RIMBP2: variants seen among roughly 807,000 people sequenced by gnomAD.
The protein encoded by RIMBP2 is RIMS-binding protein 2.
A neutral mutation model predicts 118.6 loss-of-function variants in RIMBP2; 48 were observed. That is an observed-to-expected ratio of 0.40 (90% CI 0.32 to 0.51). The LOEUF (loss-of-function observed/expected upper bound fraction) is 0.51, where lower values mean the gene tolerates loss of function less well. Ranked by LOEUF, RIMBP2 falls within the 20% of genes least tolerant of loss-of-function variation. RIMBP2 has a pLI of 0.41. For synonymous variants in RIMBP2, 762 were observed against 742.9 expected, an observed-to-expected ratio of 1.03 and a Z score of -0.42; for missense variants, 1,551 against 1,768.3, an observed-to-expected ratio of 0.88 and a Z score of 2.20.
chr12:130,604,557 A>G (rs2060058833), intron 2 of RIMBP2, among the ~76,000 whole-genome samples: 1 of 142,668 alleles, frequency 7.0e-6, no homozygotes, highest in South Asian at 2.4e-4. Flanking sequence ...ATTCATGGTA[A>G]GTGCCCTATA....
chr12:130,669,562 G>C (rs2064108408), intron 1 of RIMBP2, among the ~76,000 whole-genome samples: 1 of 152,090 alleles, frequency 6.6e-6, no homozygotes, highest in African/African-American at 2.4e-5. Flanking sequence ...TCTCTCTCCT[G>C]CCACCCTGTG....
chr12:130,701,310 G>A (rs1297714564), intron 1 of RIMBP2, among the ~76,000 whole-genome samples: 4 of 152,202 alleles, frequency 2.6e-5, no homozygotes, highest in Non-Finnish European at 5.9e-5. Flanking sequence ...GAAGGCCTTG[G>A]AGTGTTCTAT....
At chr12:130,610,665 A>G (rs1374046453) in intron 2 of RIMBP2, among the ~76,000 whole-genome samples, 1 of 138,958 alleles carries the variant, frequency 7.2e-6, no homozygotes, top group East Asian at 2.3e-4. Context: ...GGTTCACGCC[A>G]TTCTCCTGCC....
chr12:130,433,269 A>G (rs2077269201), intron 14 of RIMBP2, among the ~76,000 whole-genome samples: 1 of 152,192 alleles, frequency 6.6e-6, no homozygotes, highest in Non-Finnish European at 1.5e-5. Context: ...GAAAGAGCCA[A>G]TTCCACCTCA....
intron 2 of RIMBP2, among the ~76,000 whole-genome samples, chr12:130,614,327 C>G (rs2060765693): frequency 6.6e-6 from 1 of 152,214 alleles, no homozygotes; most frequent in African/African-American, 2.4e-5. Flanking sequence ...CCCAACCTCC[C>G]TTATCCTCAG....
intron 2 of RIMBP2, among the ~76,000 whole-genome samples, chr12:130,562,743 A>G (rs749700442): frequency 1.3e-5 from 2 of 152,210 alleles, no homozygotes; most frequent in African/African-American, 4.8e-5. Context: ...TGAAAAAACA[A>G]CAGCAGCTGG....
In RIMBP2 at chr12:130,689,632, G is replaced by A. The variant is rs1373322654; in HGVS notation, c.-352+26590C>T. Among the ~76,000 whole-genome samples the A allele has an allele frequency of 2.6e-5, 4 of 152,192 alleles. No homozygotes were observed. In the South Asian group the frequency reaches 8.3e-4, roughly 32 times the overall value. On this transcript the variant is annotated intron_variant, in intron 1 of 22. Coordinates refer to ENST00000690449, the MANE Select transcript of RIMBP2 (RefSeq NM_001393629.1). ...TGGAGGAGCTGCCTCTGATCCCAAGGCTTAGCTGGGGAGGGGGACGGGCCC... is the reference window on the plus strand; with the variant it reads ...TGGAGGAGCTGCCTCTGATCCCAAGACTTAGCTGGGGAGGGGGACGGGCCC...
intron 1 of RIMBP2, among the ~76,000 whole-genome samples, chr12:130,632,356 T>C (rs1027567265): frequency 6.6e-6 from 1 of 152,200 alleles, no homozygotes; most frequent in South Asian, 2.1e-4. Context: ...AAAAACGAGA[T>C]TACAGGAAGT....
At chr12:130,700,174 T>A (rs2065789868) in intron 1 of RIMBP2, among the ~76,000 whole-genome samples, 1 of 151,802 alleles carries the variant, frequency 6.6e-6, no homozygotes, top group Admixed American at 6.6e-5. Context: ...TTGGTGTGGT[T>A]TTTAGTTTAT....
At chr12:130,689,669 G>A (rs1040179711) in intron 1 of RIMBP2, among the ~76,000 whole-genome samples, 4 of 152,126 alleles carry the variant, frequency 2.6e-5, no homozygotes, top group African/African-American at 7.2e-5. Flanking sequence ...TCAACACTTC[G>A]AGACTGCACC....
At position 130,423,649 on chromosome 12, in the gene RIMBP2, C is replaced by T. The variant is rs955268996; in HGVS notation, c.3129+493G>A. Among the ~76,000 whole-genome samples the T allele has an allele frequency of 2.9e-3, 62 of 21,158 alleles. No individual in the cohort carries two copies. In the East Asian group the frequency reaches 0.044, roughly 15 times the overall value. The allele number at this position is 21,158 out of a possible 152,430, so 13.9% of individuals were successfully genotyped here. A position where few individuals can be genotyped will look rare whatever the true frequency, so the allele number is the denominator to read the frequency against. On this transcript the variant is annotated intron_variant, in intron 16 of 22. Coordinates refer to ENST00000690449, the MANE Select transcript of RIMBP2 (RefSeq NM_001393629.1). ...GGGAAAAAAACAAGAACTTTGGAAA[C>T]AATATGCAAAAAAAAAAAAAAAAAA...
chr12:130,710,070 G>A lies in RIMBP2; in HGVS notation c.-352+6152C>T, dbSNP rs563238511. Among the ~76,000 whole-genome samples the A allele has an allele frequency of 1.3e-5, 2 of 152,250 alleles. No individual in the cohort carries two copies. The highest frequency in any genetic ancestry group is 4.1e-4 in the South Asian group (2 of 4,826). ...CCCTGGGAGCTCACGGGTGGACACCGAGGGTCTCCAGGAGAGGGGTTGGCT... is the reference window on the plus strand; with the variant it reads ...CCCTGGGAGCTCACGGGTGGACACCAAGGGTCTCCAGGAGAGGGGTTGGCT... On this transcript the variant is annotated intron_variant, in intron 1 of 22. Coordinates refer to ENST00000690449, the MANE Select transcript of RIMBP2 (RefSeq NM_001393629.1). This position sits in a 1 kb window ranked among gnomAD's most constrained non-coding sequence, Gnocchi z 4.3.
chr12:130,573,822 G>T (rs1326254796), intron 2 of RIMBP2, among the ~76,000 whole-genome samples: 3 of 152,210 alleles, frequency 2.0e-5, no homozygotes, highest in African/African-American at 4.8e-5. Flanking sequence ...GCTGATCCAG[G>T]CCTGGAGCAT....
chr12:130,599,219 T>C (rs572534565), intron 2 of RIMBP2, among the ~76,000 whole-genome samples: 7 of 152,314 alleles, frequency 4.6e-5, no homozygotes, highest in Non-Finnish European at 1.0e-4. Context: ...ACAACTTTTT[T>C]TAGATCTGAC....
At position 130,396,748 on chromosome 12, in the gene RIMBP2, G is replaced by A. The variant is rs565369548; in HGVS notation, c.*613C>T. 6.6e-6 allele frequency: 1 copy of A among 152,626 alleles called. No homozygotes were observed. The highest frequency in any genetic ancestry group is 1.5e-5 in the Non-Finnish European group (1 of 68,036). The allele number at this position is 152,626 out of a possible 1,614,324, so 9.5% of individuals were successfully genotyped here. A position where few individuals can be genotyped will look rare whatever the true frequency, so the allele number is the denominator to read the frequency against. On this transcript the variant is annotated 3_prime_UTR_variant, in exon 23 of 23. Coordinates refer to ENST00000690449, the MANE Select transcript of RIMBP2 (RefSeq NM_001393629.1). ...GAATGATTGAGTAAACATTTTCTGT[G>A]TGTAGCCTGGCTGGCTTTGAAAGAC...
At chr12:130,657,030 G>A (rs148441108) in intron 1 of RIMBP2, among the ~76,000 whole-genome samples, 2 of 152,350 alleles carry the variant, frequency 1.3e-5, no homozygotes, top group African/African-American at 2.4e-5. Context: ...ACAGACCTGG[G>A]ACTATAGGTG....
rs368644053 is a variant in RIMBP2, at chr12:130,479,020, T to C, written c.-3-4A>G. On this transcript the variant is annotated splice_polypyrimidine_tract_variant and splice_region_variant and intron_variant, in intron 4 of 22. Transcript: ENST00000690449. ...GTTCAGCCGCCTCTCGCATATGCTG[T>C]GGGGACAGAGAGAGGCCTGGCTGAG... 7.8e-5 allele frequency: 126 copies of C among 1,611,994 alleles called. No individual in the cohort carries two copies. The highest frequency in any genetic ancestry group is 1.0e-4 in the Non-Finnish European group (120 of 1,178,840).
intron 10 of RIMBP2, among the ~76,000 whole-genome samples, chr12:130,443,775 G>GTGATGA: frequency 6.6e-6 from 1 of 152,280 alleles, no homozygotes; most frequent in East Asian, 1.9e-4. Context: ...GATGGTGACG[G>GTGATGA]TGATGATGAT....
At position 130,578,966 on chromosome 12, in the gene RIMBP2, A is replaced by T. The variant is rs1179419527; in HGVS notation, c.-217+49356T>A. ...CAAGTGGGATTAAAAAAAGATGAGA[A>T]GTTGTCTCACATCCATTGGTTCAGA... is the stretch of plus-strand genomic sequence containing the variant. On this transcript the variant is annotated intron_variant, in intron 2 of 22. Coordinates refer to ENST00000690449, the MANE Select transcript of RIMBP2 (RefSeq NM_001393629.1). The surrounding 1 kb of genome is among the most constrained non-coding windows in gnomAD (Gnocchi z 4.1). 2.0e-5 allele frequency among the ~76,000 whole-genome samples: 3 copies of T among 152,144 alleles called. No homozygotes were observed. Among genetic ancestry groups the T allele is most frequent in the Admixed American group, 1.3e-4 (2 of 15,282 alleles).
Sources: allele counts gnomAD v4.1 joint callset (sites outside exome capture counted in the v4.1 genomes callset), GRCh38; gene constraint gnomAD v4.1.1; non-coding constraint Gnocchi (gnomAD v3.1); transcripts MANE v1.5; gene names NCBI Gene and HGNC (gene_info 2026-07-23, HGNC 2026-07-21).